Variants in PCDH9 observed in about 807,000 individuals in gnomAD.
The protein encoded by PCDH9 is protocadherin 9, also known as protocadherin-9.
Under a neutral mutation model 70.6 loss-of-function variants are expected in PCDH9, and 24 were observed. The observed-to-expected ratio is 0.34, with a 90% CI of 0.25 to 0.48. The LOEUF (loss-of-function observed/expected upper bound fraction) is 0.48. PCDH9 is among the 20% of genes least tolerant of loss of function. The pLI is 0.99. For missense variants in PCDH9, 1,281 were observed against 1,503.6 expected (o/e 0.85, Z 2.45); for synonymous variants, 562 against 558.5 (o/e 1.01, Z -0.09).
chr13:67,103,820 C>A (rs2086481669), intron 2 of PCDH9, among the ~76,000 whole-genome samples: 1 of 151,900 alleles, frequency 6.6e-6, no homozygotes, highest in Admixed American at 6.6e-5. Flanking sequence ...CAGTGGGGAA[C>A]CATCGAAAAT....
At chr13:66,511,619 C>T (rs1003761555) in intron 4 of PCDH9, among the ~76,000 whole-genome samples, 2 of 151,880 alleles carry the variant, frequency 1.3e-5, no homozygotes, top group African/African-American at 4.8e-5. Context: ...TAAAGGTGGG[C>T]TTGGTGGGAA....
intron 4 of PCDH9, among the ~76,000 whole-genome samples, chr13:66,330,581 T>C (rs918117925): frequency 1.3e-5 from 2 of 152,208 alleles, no homozygotes; most frequent in South Asian, 4.2e-4. Context: ...AAAATGTAAT[T>C]TGTGTGGGGG....
At chr13:66,630,980 G>GT (rs970205805) in intron 4 of PCDH9, among the ~76,000 whole-genome samples, 3 of 151,686 alleles carry the variant, frequency 2.0e-5, no homozygotes, top group Admixed American at 6.6e-5. Context: ...TTTATAGCAT[G>GT]TTTTTTTCTT....
At chr13:66,317,644 A>G (rs1015715674) in intron 4 of PCDH9, among the ~76,000 whole-genome samples, 6 of 152,198 alleles carry the variant, frequency 3.9e-5, no homozygotes, top group Non-Finnish European at 5.9e-5. Context: ...ATTATTAGTA[A>G]TTATTCTGAG....
At chr13:66,453,033 T>C (rs1958244864) in intron 4 of PCDH9, among the ~76,000 whole-genome samples, 1 of 152,108 alleles carries the variant, frequency 6.6e-6, no homozygotes, top group Admixed American at 6.6e-5. Flanking sequence ...ATGTAAGGAA[T>C]AGGTGCACAG....
chr13:67,010,584 T>C (rs1472587085), intron 2 of PCDH9, among the ~76,000 whole-genome samples: 1 of 151,980 alleles, frequency 6.6e-6, no homozygotes, highest in Non-Finnish European at 1.5e-5. Flanking sequence ...TTGATGAATG[T>C]CCTATTAGTC....
intron 4 of PCDH9, among the ~76,000 whole-genome samples, chr13:66,617,402 T>C (rs2077369301): frequency 6.6e-6 from 1 of 152,188 alleles, no homozygotes; most frequent in South Asian, 2.1e-4. Flanking sequence ...TCCTAAACCC[T>C]TGGGACTCCT....
rs559070778 is a variant in PCDH9 at position 67,106,410 on chromosome 13, T to C, written c.3036+118995A>G. ...AAGCTTAACTGTATTTCTGGACTTGTTCTGTATTTAATGTAGCAAAGGATT... is the reference window on the plus strand; with the variant it reads ...AAGCTTAACTGTATTTCTGGACTTGCTCTGTATTTAATGTAGCAAAGGATT... On this transcript the variant is annotated intron_variant, in intron 2 of 4. Coordinates refer to ENST00000377865, the MANE Select transcript of PCDH9 (RefSeq NM_203487.3). Among the ~76,000 whole-genome samples the C allele has an allele frequency of 8.5e-5, 13 of 152,368 alleles. No individual in the cohort carries two copies. The South Asian group carries it at 2.1e-3, about 24-fold the overall frequency.
intron 4 of PCDH9, among the ~76,000 whole-genome samples, chr13:66,449,272 C>A: frequency 6.6e-6 from 1 of 152,126 alleles, no homozygotes; most frequent in Non-Finnish European, 1.5e-5. Context: ...GAGAGTGAAA[C>A]TGAATATCAT....
chr13:67,093,637 T>A (rs2086262972), intron 2 of PCDH9, among the ~76,000 whole-genome samples: 1 of 152,126 alleles, frequency 6.6e-6, no homozygotes, highest in South Asian at 2.1e-4. Flanking sequence ...CCAATACACC[T>A]ATTTAAATAC....
Position 66,721,974 on chromosome 13 carries a change from A to T in PCDH9, c.3139-90563T>A, listed in dbSNP as rs567965462. Among the ~76,000 whole-genome samples the T allele has an allele frequency of 3.9e-5, 6 of 152,302 alleles. No homozygotes were observed. The East Asian group carries it at 9.7e-4, about 25-fold the overall frequency. ...ATTTTCTGCAGGAATAAATTTATGAACACGGACCTCAAGGGGACATCCTAG... is the reference window on the plus strand; with the variant it reads ...ATTTTCTGCAGGAATAAATTTATGATCACGGACCTCAAGGGGACATCCTAG... On this transcript the variant is annotated intron_variant, in intron 3 of 4. Transcript: ENST00000377865.
At chr13:66,776,980 T>C (rs557410163) in intron 3 of PCDH9, among the ~76,000 whole-genome samples, 576 of 151,186 alleles carry the variant, frequency 3.8e-3, no homozygotes, top group Non-Finnish European at 6.2e-3. Flanking sequence ...ACGCCGCATA[T>C]CTACAACTAT....
intron 2 of PCDH9, among the ~76,000 whole-genome samples, chr13:67,071,554 T>A (rs2085762688): frequency 6.6e-6 from 1 of 152,102 alleles, no homozygotes; most frequent in Non-Finnish European, 1.5e-5. Flanking sequence ...ACAAATTTAT[T>A]GAAAGTTTAT....
intron 2 of PCDH9, among the ~76,000 whole-genome samples, chr13:66,938,004 T>G (rs889699582): frequency 6.6e-6 from 1 of 152,218 alleles, no homozygotes; most frequent in South Asian, 2.1e-4. Context: ...AATAAATACA[T>G]CATAATCATT....
At chr13:67,170,100 A>C (rs1236187238) in intron 2 of PCDH9, among the ~76,000 whole-genome samples, 1 of 152,140 alleles carries the variant, frequency 6.6e-6, no homozygotes, top group Non-Finnish European at 1.5e-5. Context: ...GAGAAGAAAA[A>C]CAGCTTTATA....
rs1328112066 is a variant in PCDH9 at position 67,228,313 on chromosome 13, A to G, written c.128T>C (p.Ile43Thr). Residue 43 changes from isoleucine (I) to threonine (T), a missense_variant, in exon 2 of 5, where the codon ATA (isoleucine) becomes ACA (threonine). Around this residue, in one of 4 missense-constraint regions of PCDH9, gnomAD observed 798 missense variants for 1,003.1 expected, o/e 0.80. Coordinates refer to ENST00000377865, the MANE Select transcript of PCDH9 (RefSeq NM_203487.3). ...GTGAGAAATGTTCAGATCCTTTGGT[A>G]TGTTTCCTATGGGCACATTTTCAGG... ...ELPENVPIGN[I>T]PKDLNISHIN... The G allele has an allele frequency of 6.2e-7, 1 of 1,614,200 alleles. No individual in the cohort carries two copies. The highest frequency in any genetic ancestry group is 8.5e-7 in the Non-Finnish European group (1 of 1,180,036).
intron 2 of PCDH9, among the ~76,000 whole-genome samples, chr13:67,049,153 T>C (rs2085277293): frequency 6.6e-6 from 1 of 152,216 alleles, no homozygotes; most frequent in Non-Finnish European, 1.5e-5. Flanking sequence ...CTTTTGTTAA[T>C]ACTATGCTTT....
At chr13:67,051,910 C>A (rs992120314) in intron 2 of PCDH9, among the ~76,000 whole-genome samples, 3 of 151,986 alleles carry the variant, frequency 2.0e-5, no homozygotes, top group Admixed American at 6.6e-5. Flanking sequence ...CGGATAATAG[C>A]CACAATTTAT....
At chr13:66,464,685 C>T (rs1165853270) in intron 4 of PCDH9, among the ~76,000 whole-genome samples, 1 of 151,788 alleles carries the variant, frequency 6.6e-6, no homozygotes, top group Non-Finnish European at 1.5e-5. Context: ...GTTACTTTTC[C>T]ATTTGCTCCA....
Sources: allele counts gnomAD v4.1 joint callset (sites outside exome capture counted in the v4.1 genomes callset), GRCh38; gene constraint gnomAD v4.1.1; regional missense constraint gnomAD v4.1.1; transcripts MANE v1.5; gene names NCBI Gene and HGNC (gene_info 2026-07-23, HGNC 2026-07-21).